The following SAMTOR variants were observed in gnomAD, a reference collection of about 807,000 sequenced individuals.
SAMTOR encodes S-adenosylmethionine sensor upstream of mTORC1.
chr7:112,883,666 T>C, the SAMTOR span, among the ~76,000 whole-genome samples: 1 of 152,224 alleles, frequency 6.6e-6, no homozygotes, highest in Non-Finnish European at 1.5e-5. Flanking sequence ...CCAGGCTCTG[T>C]AGGAATGATC....
At chr7:112,890,750 G>A in the SAMTOR span, among the ~76,000 whole-genome samples, 1 of 151,692 alleles carries the variant, frequency 6.6e-6, no homozygotes, top group East Asian at 1.9e-4. Flanking sequence ...ACAGTGAGAG[G>A]TGTGATCTCT....
the SAMTOR span, among the ~76,000 whole-genome samples, chr7:112,859,345 T>A: frequency 3.3e-5 from 5 of 152,238 alleles, no homozygotes; most frequent in African/African-American, 1.2e-4. Flanking sequence ...CTAGTGATGA[T>A]TTAGTGCAAT....
the SAMTOR span, among the ~76,000 whole-genome samples, chr7:112,933,856 G>A: frequency 6.6e-6 from 1 of 152,070 alleles, no homozygotes; most frequent in African/African-American, 2.4e-5. Context: ...GCCAACTAAC[G>A]TTTTAAGAAC....
chr7:112,915,934 T>C, the SAMTOR span, among the ~76,000 whole-genome samples: 1 of 152,368 alleles, frequency 6.6e-6, no homozygotes, highest in African/African-American at 2.4e-5. Context: ...CTCTATTGAC[T>C]GTTATCTTCT....
chr7:112,911,132 A>G, the SAMTOR span, among the ~76,000 whole-genome samples: 1 of 152,110 alleles, frequency 6.6e-6, no homozygotes, highest in Non-Finnish European at 1.5e-5. Context: ...TGACAGATTG[A>G]TATCTTTAAG....
chr7:112,840,087 G>A, the SAMTOR span, among the ~76,000 whole-genome samples: 1 of 151,804 alleles, frequency 6.6e-6, no homozygotes, highest in Non-Finnish European at 1.5e-5. Context: ...GAATCACACT[G>A]GAAGTTTTAA....
chr7:112,855,820 A>G, the SAMTOR span, among the ~76,000 whole-genome samples: 1 of 152,178 alleles, frequency 6.6e-6, no homozygotes, highest in East Asian at 1.9e-4. Context: ...TACCTAGATT[A>G]GCATTTGACT....
chr7:112,825,805 T>C, the SAMTOR span, among the ~76,000 whole-genome samples: 2 of 152,078 alleles, frequency 1.3e-5, no homozygotes, highest in South Asian at 4.1e-4. Context: ...TAGCTGGAGA[T>C]TTTTCAGATA....
chr7:112,825,836 A>G, the SAMTOR span, among the ~76,000 whole-genome samples: 7 of 151,166 alleles, frequency 4.6e-5, no homozygotes, highest in Non-Finnish European at 8.8e-5. Flanking sequence ...GGTTCAAGAA[A>G]TTCCCTTAAA....
the SAMTOR span, among the ~76,000 whole-genome samples, chr7:112,896,196 C>T: frequency 5.3e-4 from 81 of 151,778 alleles, no homozygotes; most frequent in Middle Eastern, 6.8e-3. Flanking sequence ...TGTGCGTGCA[C>T]GCGCGCACGC....
At chr7:112,894,217 GGAGA>G in the SAMTOR span, among the ~76,000 whole-genome samples, 3 of 151,770 alleles carry the variant, frequency 2.0e-5, no homozygotes, top group Non-Finnish European at 2.9e-5. Context: ...AGAGGAGAGG[GGAGA>G]GAGACTGGGG....
At chr7:112,919,331 C>A in the SAMTOR span, among the ~76,000 whole-genome samples, 3 of 152,152 alleles carry the variant, frequency 2.0e-5, no homozygotes, top group Non-Finnish European at 4.4e-5. Context: ...AACTGAACAA[C>A]CTGCTCCTGA....
At chr7:112,902,458 AAAC>A in the SAMTOR span, among the ~76,000 whole-genome samples, 3 of 146,952 alleles carry the variant, frequency 2.0e-5, no homozygotes, top group Non-Finnish European at 3.0e-5. Context: ...ACAAAAAAAA[AAAC>A]CAAAAAAGTT....
At chr7:112,913,133 T>C in the SAMTOR span, among the ~76,000 whole-genome samples, 1 of 152,196 alleles carries the variant, frequency 6.6e-6, no homozygotes, top group Admixed American at 6.5e-5. Flanking sequence ...GTCAGATTTA[T>C]AACCATCTTC....
chr7:112,892,861 C>T, the SAMTOR span, among the ~76,000 whole-genome samples: 33 of 152,162 alleles, frequency 2.2e-4, no homozygotes, highest in African/African-American at 5.8e-4. Flanking sequence ...TTAGCAGGCA[C>T]GAAAACAACA....
At chr7:112,893,932 G>T in the SAMTOR span, among the ~76,000 whole-genome samples, 1 of 152,306 alleles carries the variant, frequency 6.6e-6, no homozygotes, top group Non-Finnish European at 1.5e-5. Context: ...TAAAATAAAT[G>T]ACTTTTCCTT....
At chr7:112,876,880 A>G in the SAMTOR span, among the ~76,000 whole-genome samples, 5 of 152,152 alleles carry the variant, frequency 3.3e-5, no homozygotes, top group Non-Finnish European at 7.3e-5. Context: ...CTCACTGTTA[A>G]GCCCTCATTC....
At chr7:112,837,256 G>A in the SAMTOR span, among the ~76,000 whole-genome samples, 2 of 151,856 alleles carry the variant, frequency 1.3e-5, no homozygotes, top group Admixed American at 1.3e-4. Flanking sequence ...TTGATGTATA[G>A]GAATGCTGCT....
the SAMTOR span, among the ~76,000 whole-genome samples, chr7:112,862,269 C>CAAAACATGG: frequency 6.6e-6 from 1 of 151,936 alleles, no homozygotes; most frequent in South Asian, 2.1e-4. Context: ...TTGAGACAAA[C>CAAAACATGG]AAAACATGGA....
Sources: allele counts gnomAD v4.1 joint callset (sites outside exome capture counted in the v4.1 genomes callset), GRCh38; gene constraint gnomAD v4.1.1; transcripts MANE v1.5; gene names NCBI Gene and HGNC (gene_info 2026-07-23, HGNC 2026-07-21).